The following BAHCC1 variants were observed in gnomAD, a reference collection of about 807,000 sequenced individuals.
BAHCC1 encodes the protein BAH and coiled-coil domain-containing protein 1.
BAHCC1 carries 43 observed loss-of-function variants against 88.2 expected under a neutral mutation model. That is an observed-to-expected ratio of 0.49 (90% CI 0.38 to 0.63). The LOEUF (loss-of-function observed/expected upper bound fraction) is 0.63, where lower values mean the gene tolerates loss of function less well. Among genes scored for constraint, BAHCC1 ranks in the 20% least tolerant of loss-of-function variants. The pLI is 0.00. For synonymous variants in BAHCC1, 1,510 were observed against 745.5 expected (o/e 2.03, Z -16.71); for missense variants, 3,023 against 1,654.8 (o/e 1.83, Z -14.34).
At position 81,396,978 on chromosome 17, in the gene BAHCC1, G is replaced by C. The variant is rs1555644993; in HGVS notation, c.-207+1343G>C. 3 of 152,310 alleles carry C rather than the reference G, an allele frequency of 2.0e-5. No individual in the cohort carries two copies. The East Asian group carries it at 5.8e-4, about 29-fold the overall frequency. The allele number at this position is 152,310 out of a possible 1,614,324, so 9.4% of individuals were successfully genotyped here. Reference sequence around the variant, plus strand: ...TCTCCTGGAGCTGGGCTGGGAGTGGGCCCCGGGCCTCGGCACTCGGCGGGT... The same window carrying C: ...TCTCCTGGAGCTGGGCTGGGAGTGGCCCCCGGGCCTCGGCACTCGGCGGGT... On this transcript the variant is annotated intron_variant, in intron 1 of 27. Coordinates refer to ENST00000675386, the MANE Select transcript of BAHCC1 (RefSeq NM_001377448.1).
At chr17:81,402,450 A>C (rs529300957) in intron 2 of BAHCC1, 1 of 152,342 alleles carries the variant, frequency 6.6e-6, no homozygotes, top group South Asian at 2.1e-4. Context: ...AAAAAGCATA[A>C]TTACGTTAAA....
chr17:81,416,911 A>G (rs1426744550), intron 2 of BAHCC1, among the ~76,000 whole-genome samples: 1 of 152,174 alleles, frequency 6.6e-6, no homozygotes, highest in African/African-American at 2.4e-5. Flanking sequence ...GAGTCTCCCT[A>G]CAGCCCGGCT....
chr17:81,458,315 G>T lies in BAHCC1; in HGVS notation c.5192G>T (p.Ser1731Ile). 1 of 749,182 alleles carries T rather than the reference G, an allele frequency of 1.3e-6. No homozygotes were observed. 46.4% of individuals were successfully genotyped at this position (749,182 alleles called of 1,614,324 possible). A position where few individuals can be genotyped will look rare whatever the true frequency, so the allele number is the denominator to read the frequency against. Residue 1731 changes from serine (S) to isoleucine (I), a missense_variant, in exon 18 of 28, where the codon AGC (serine) becomes ATC (isoleucine). Ser to Ile is a moderately radical substitution (Grantham distance 142). Coordinates refer to ENST00000675386, the MANE Select transcript of BAHCC1 (RefSeq NM_001377448.1). ...AAAGCCAAGGGCAAGGCCAAGGGCA[G>T]CCTGCGGGCAGAGCCGGGGGCCACC... Reference protein sequence around the residue: ...KKKAKGKAKGSLRAEPGATPS... With the variant: ...KKKAKGKAKGILRAEPGATPS...
intron 2 of BAHCC1, among the ~76,000 whole-genome samples, chr17:81,405,660 A>G (rs1401194186): frequency 6.6e-6 from 1 of 152,182 alleles, no homozygotes; most frequent in African/African-American, 2.4e-5. Context: ...CGCTGGGAAT[A>G]AATACTTTCC....
chr17:81,419,378 C>G (rs2143339671), intron 2 of BAHCC1, among the ~76,000 whole-genome samples: 1 of 152,378 alleles, frequency 6.6e-6, no homozygotes, highest in Middle Eastern at 3.4e-3. Context: ...CGGCTTCCTC[C>G]CCGCGCTTTC....
chr17:81,410,031 CT>C, intron 2 of BAHCC1: 1 of 313,082 alleles, frequency 3.2e-6, no homozygotes, highest in Non-Finnish European at 6.8e-6. Context: ...CTGCTCTTCC[CT>C]CCCTGAGTCT....
chr17:81,400,487 T>A (rs1254925144), intron 2 of BAHCC1, among the ~76,000 whole-genome samples: 2 of 152,208 alleles, frequency 1.3e-5, no homozygotes, highest in Non-Finnish European at 2.9e-5. Context: ...TGCATTTGCC[T>A]TAACGAGTGC....
Position 81,443,435 on chromosome 17 carries a change from G to T in BAHCC1, c.2086G>T (p.Gly696Trp). The change falls in exon 5 of 28, where the codon GGG becomes TGG. Residue 696 changes from glycine to tryptophan, a missense_variant. Transcript: ENST00000675386. ...GGAGCACGACACCACGCACGGCGACGGGGAGGTGCGGCAGCCCCCTGTGGG... is the reference window on the plus strand; with the variant it reads ...GGAGCACGACACCACGCACGGCGACTGGGAGGTGCGGCAGCCCCCTGTGGG... Reference protein sequence around the residue: ...SREHDTTHGDGEVRQPPVGIA... With the variant: ...SREHDTTHGDWEVRQPPVGIA... 2 of 752,298 alleles carry T rather than the reference G, an allele frequency of 2.7e-6. No individual in the cohort carries two copies. The highest frequency in any genetic ancestry group is 4.9e-6 in the Non-Finnish European group (2 of 404,794). The allele number at this position is 752,298 out of a possible 1,614,324, so 46.6% of individuals were successfully genotyped here. A position where few individuals can be genotyped will look rare whatever the true frequency, so the allele number is the denominator to read the frequency against.
rs564125909 is a variant in BAHCC1, at chr17:81,456,671, C to T, written c.4858+86C>T. Reference sequence around the variant, plus strand: ...GAGGAGGGGGCGGCAGGTTCATGGCCGCCACCAGGGCTGGGTCATGGCTTG... The same window carrying T: ...GAGGAGGGGGCGGCAGGTTCATGGCTGCCACCAGGGCTGGGTCATGGCTTG... On this transcript the variant is annotated intron_variant, in intron 16 of 27. Transcript: ENST00000675386. 61 of 636,282 alleles carry T rather than the reference C, an allele frequency of 9.6e-5. 1 individual carries two copies. The Admixed American group carries it at 1.3e-3, about 14-fold the overall frequency. The allele number at this position is 636,282 out of a possible 1,614,324, so 39.4% of individuals were successfully genotyped here.
chr17:81,453,640 G>C (rs939311216), intron 14 of BAHCC1, among the ~76,000 whole-genome samples: 2 of 151,906 alleles, frequency 1.3e-5, no homozygotes, highest in Non-Finnish European at 2.9e-5. Context: ...CCTGGGGGGG[G>C]GTCTCCTGGG....
intron 2 of BAHCC1, chr17:81,413,213 T>TC: frequency 2.6e-5 from 8 of 307,796 alleles, no homozygotes; most frequent in South Asian, 1.9e-4. Context: ...GTGCTGACCA[T>TC]GCCCCCCCCG....
intron 2 of BAHCC1, among the ~76,000 whole-genome samples, chr17:81,425,749 TGTGATGTGGTTGGTG>T (rs1476238977): frequency 2.6e-4 from 18 of 68,304 alleles, no homozygotes; most frequent in Non-Finnish European, 3.5e-4. Flanking sequence ...ATGTGGTTGG[TGTGATGTGGTTGGTG>T]GTGATGTGGT....
At chr17:81,410,035 C>T (rs2063929890) in intron 2 of BAHCC1, 1 of 319,630 alleles carries the variant, frequency 3.1e-6, no homozygotes, top group South Asian at 2.2e-5. Flanking sequence ...TCTTCCCTCC[C>T]TGAGTCTAGG....
intron 2 of BAHCC1, among the ~76,000 whole-genome samples, chr17:81,403,738 T>C (rs1212355219): frequency 2.0e-5 from 3 of 152,194 alleles, no homozygotes; most frequent in Non-Finnish European, 4.4e-5. Flanking sequence ...TCCGAAGACG[T>C]CACCCGTCCC....
chr17:81,410,108 T>C (rs1046423599), intron 2 of BAHCC1: 4 of 335,468 alleles, frequency 1.2e-5, no homozygotes, highest in Admixed American at 3.3e-5. Flanking sequence ...GACTGGGGGA[T>C]GCAGTTGTGG....
At chr17:81,430,279 C>T (rs1334488903) in intron 3 of BAHCC1, among the ~76,000 whole-genome samples, 1 of 152,000 alleles carries the variant, frequency 6.6e-6, no homozygotes, top group Non-Finnish European at 1.5e-5. Flanking sequence ...GATTCTGTTC[C>T]TGGGGGGCTC....
chr17:81,428,800 C>A (rs893956335), intron 3 of BAHCC1, among the ~76,000 whole-genome samples: 1 of 152,240 alleles, frequency 6.6e-6, no homozygotes, highest in Non-Finnish European at 1.5e-5. Context: ...CCCCGGGGAC[C>A]CCCACCACTT....
rs1177282172 is a variant in BAHCC1, at chr17:81,462,622, GCACACT to G, written c.7384-109_7384-104del. On this transcript the variant is annotated intron_variant, in intron 26 of 27. Transcript: ENST00000675386. ...GGCTTCCTGCCCTTGTGGGCGCCCT[GCACACT>G]CACACTCAGACTCACACTCACACCC... 2.9e-4 allele frequency: 181 copies of G among 624,672 alleles called. 2 individuals carry two copies. The highest frequency in any genetic ancestry group is 1.4e-3 in the South Asian group (76 of 53,772). 38.7% of individuals were successfully genotyped at this position (624,672 alleles called of 1,614,324 possible). A position where few individuals can be genotyped will look rare whatever the true frequency, so the allele number is the denominator to read the frequency against.
chr17:81,404,836 CCTT>C (rs1333055017), intron 2 of BAHCC1, among the ~76,000 whole-genome samples: 3 of 152,084 alleles, frequency 2.0e-5, no homozygotes, highest in Non-Finnish European at 4.4e-5. Flanking sequence ...CCTTTGTTCT[CCTT>C]CTCTCTGTGT....
Sources: gnomAD v4.1 joint callset for allele counts (sites outside exome capture counted in the v4.1 genomes callset) on GRCh38, gnomAD v4.1.1 for gene constraint, MANE v1.5 for transcripts, NCBI Gene and HGNC (gene_info 2026-07-23, HGNC 2026-07-21) for gene names.